RNF38: variants seen among roughly 807,000 people sequenced by gnomAD.
The protein encoded by RNF38 is E3 ubiquitin-protein ligase RNF38.
A neutral mutation model predicts 67.2 loss-of-function variants in RNF38; 15 were observed. The observed-to-expected ratio is 0.22, with a 90% CI of 0.15 to 0.34. RNF38 has a LOEUF of 0.34. RNF38 is among the 10% of genes least tolerant of loss of function. The pLI is 1.00. For synonymous variants in RNF38, 220 were observed against 218.8 expected, an observed-to-expected ratio of 1.01 and a Z score of -0.05; for missense variants, 524 against 639.9, an observed-to-expected ratio of 0.82 and a Z score of 1.95.
intron 1 of RNF38, among the ~76,000 whole-genome samples, chr9:36,426,941 A>C (rs1413186940): frequency 6.6e-6 from 1 of 152,268 alleles, no homozygotes; most frequent in Non-Finnish European, 1.5e-5. Flanking sequence ...GAAAAAGCTC[A>C]TAGCACAGTG....
rs138917536 is a variant in RNF38 at position 36,433,946 on chromosome 9, T to C, written n.242-9263A>G. 2.7e-3 allele frequency among the ~76,000 whole-genome samples: 417 copies of C among 151,836 alleles called. 2 individuals are homozygous for C. Among genetic ancestry groups the C allele is most frequent in the Admixed American group, 4.9e-3 (75 of 15,230 alleles). On this transcript the variant is annotated intron_variant and non_coding_transcript_variant, in intron 1 of 3. Coordinates refer to the RNF38 transcript ENST00000488058. ...GTTAACTGACTCAGTGAAAAATACT[T>C]ATAACTTTTAGGCCAGGCGCGGTGG...
chr9:36,399,751 T>C (rs537963530), intron 1 of RNF38, among the ~76,000 whole-genome samples: 8 of 152,228 alleles, frequency 5.3e-5, no homozygotes, highest in Admixed American at 2.6e-4. Context: ...TTTACTTCGA[T>C]TCCAACTGTC....
At chr9:36,381,258 A>T (rs1836189876) in intron 2 of RNF38, among the ~76,000 whole-genome samples, 2 of 152,174 alleles carry the variant, frequency 1.3e-5, no homozygotes, top group Non-Finnish European at 2.9e-5. Flanking sequence ...GGATATTCCC[A>T]CTGCTTTTGT....
chr9:36,396,983 T>C (rs938927507), intron 1 of RNF38, among the ~76,000 whole-genome samples: 6 of 145,976 alleles, frequency 4.1e-5, no homozygotes, highest in Non-Finnish European at 6.0e-5. Context: ...ATTCTCTCAC[T>C]ACACAACGGT....
At chr9:36,386,669 TA>T (rs1836663332) in intron 2 of RNF38, among the ~76,000 whole-genome samples, 1 of 152,074 alleles carries the variant, frequency 6.6e-6, no homozygotes, top group Non-Finnish European at 1.5e-5. Flanking sequence ...CAGGTTGCAG[TA>T]AAGAAGCCGG....
At chr9:36,371,613 A>AT (rs937672202) in intron 3 of RNF38, among the ~76,000 whole-genome samples, 32 of 148,668 alleles carry the variant, frequency 2.2e-4, no homozygotes, top group East Asian at 3.9e-4. Flanking sequence ...AGCCCAGTTA[A>AT]TTTTTTTTTT....
At position 36,339,624 on chromosome 9, in the gene RNF38, G is replaced by A. The variant is rs1832697533; in HGVS notation, c.*128C>T. On this transcript the variant is annotated 3_prime_UTR_variant, in exon 12 of 12. Transcript: ENST00000259605. ...TTTATAGTTGATTAAGTCACACAGT[G>A]CAAAGAAAGGTCCATTGACCCTTTT... 8 of 696,446 alleles carry A rather than the reference G, an allele frequency of 1.1e-5. No individual in the cohort carries two copies. The highest frequency in any genetic ancestry group is 2.1e-5 in the Non-Finnish European group (8 of 385,876). The allele number at this position is 696,446 out of a possible 1,614,324, so 43.1% of individuals were successfully genotyped here.
intron 2 of RNF38, among the ~76,000 whole-genome samples, chr9:36,424,219 C>A (rs1305983871): frequency 6.6e-6 from 1 of 152,090 alleles, no homozygotes; most frequent in Non-Finnish European, 1.5e-5. Flanking sequence ...TAATTCAATG[C>A]AATTAATGCC....
intron 2 of RNF38, among the ~76,000 whole-genome samples, chr9:36,407,054 G>C (rs78055342): frequency 0.063 from 9,576 of 152,238 alleles, 343 homozygotes; most frequent in South Asian, 0.14. Context: ...GAGGGAAAAG[G>C]CATATTGGCT....
chr9:36,423,018 T>A (rs1354494288), intron 2 of RNF38, among the ~76,000 whole-genome samples: 1 of 152,022 alleles, frequency 6.6e-6, no homozygotes, highest in Non-Finnish European at 1.5e-5. Context: ...AGAAAAAAAA[T>A]TTAACCCAAA....
chr9:36,341,450 T>C (rs1343891291), intron 11 of RNF38, among the ~76,000 whole-genome samples: 2 of 152,184 alleles, frequency 1.3e-5, no homozygotes, highest in Non-Finnish European at 2.9e-5. Context: ...AATTTGACTA[T>C]ATTTTTTTTA....
chr9:36,450,905 G>A (rs141746539), intron 1 of RNF38, among the ~76,000 whole-genome samples: 1 of 152,190 alleles, frequency 6.6e-6, no homozygotes, highest in African/African-American at 2.4e-5. Flanking sequence ...ACAGGTTGAG[G>A]CAAAAATCAA....
chr9:36,486,563 G>T (rs1223449313), intron 1 of RNF38, among the ~76,000 whole-genome samples: 2 of 152,062 alleles, frequency 1.3e-5, no homozygotes, highest in African/African-American at 4.8e-5. Flanking sequence ...CACAAAAGCG[G>T]GCAGGCCTCC....
intron 2 of RNF38, among the ~76,000 whole-genome samples, chr9:36,408,133 C>G (rs571988744): frequency 8.5e-5 from 13 of 152,196 alleles, no homozygotes; most frequent in African/African-American, 3.1e-4. Context: ...TTTTTGAAAC[C>G]TGTCACCCAG....
chr9:36,369,027 T>C (rs1835175713), intron 4 of RNF38, among the ~76,000 whole-genome samples: 1 of 152,088 alleles, frequency 6.6e-6, no homozygotes. Context: ...AATGAAACAT[T>C]GTAGGCTTGT....
intron 4 of RNF38, among the ~76,000 whole-genome samples, chr9:36,362,339 C>G (rs1244768568): frequency 1.3e-5 from 2 of 151,340 alleles, no homozygotes; most frequent in African/African-American, 2.4e-5. Flanking sequence ...GCCTAGGCAA[C>G]AAGAGCAAAA....
intron 1 of RNF38, among the ~76,000 whole-genome samples, chr9:36,397,984 C>A (rs141448384): frequency 2.8e-4 from 43 of 152,236 alleles, no homozygotes; most frequent in African/African-American, 1.0e-3. Context: ...AACACACACA[C>A]GGCGCACACA....
intron 1 of RNF38, among the ~76,000 whole-genome samples, chr9:36,431,555 T>C (rs1429731037): frequency 2.6e-5 from 4 of 152,170 alleles, no homozygotes; most frequent in Admixed American, 2.0e-4. Context: ...GAACAGCTAA[T>C]GAAAGAGGCA....
intron 1 of RNF38, among the ~76,000 whole-genome samples, chr9:36,425,163 T>C (rs1392206674): frequency 6.6e-6 from 1 of 152,210 alleles, no homozygotes; most frequent in African/African-American, 2.4e-5. Flanking sequence ...GTATACCAAA[T>C]ATACCCATTT....
Sources: gnomAD v4.1 joint callset for allele counts (sites outside exome capture counted in the v4.1 genomes callset) on GRCh38, gnomAD v4.1.1 for gene constraint, MANE v1.5 for transcripts, NCBI Gene and HGNC (gene_info 2026-07-23, HGNC 2026-07-21) for gene names.